Variants in PPM1A observed in about 807,000 individuals in gnomAD.
PPM1A encodes the protein protein phosphatase, Mg2+/Mn2+ dependent 1A.
A neutral mutation model predicts 35.0 loss-of-function variants in PPM1A; 7 were observed. That is an observed-to-expected ratio of 0.20 (90% confidence interval 0.11 to 0.38). PPM1A has a LOEUF of 0.38. PPM1A is among the 10% of genes least tolerant of loss of function. The pLI, the probability that PPM1A is intolerant of heterozygous loss-of-function variation, is 1.00. For synonymous variants in PPM1A, 153 were observed against 167.3 expected (o/e 0.91, Z 0.66); for missense variants, 239 against 467.8 (o/e 0.51, Z 4.51).
chr14:60,269,455 C>T (rs921110957), intron 1 of PPM1A, among the ~76,000 whole-genome samples: 1 of 152,286 alleles, frequency 6.6e-6, no homozygotes. Flanking sequence ...TTATCCTCAA[C>T]GTTTATAGGC....
At chr14:60,285,340 T>C (rs1026959953) in intron 2 of PPM1A, among the ~76,000 whole-genome samples, 3 of 152,244 alleles carry the variant, frequency 2.0e-5, no homozygotes, top group African/African-American at 4.8e-5. Context: ...TAGTATTGTT[T>C]TATAGAATTA....
At chr14:60,248,418 T>C (rs762047402), upstream of PPM1A, among the ~76,000 whole-genome samples, 2 of 152,346 alleles carry the variant, frequency 1.3e-5, no homozygotes, top group South Asian at 2.1e-4. Flanking sequence ...CCCTGAACTA[T>C]AGAGGGAAAA....
chr14:60,290,029 T>A (rs1043795036), intron 4 of PPM1A, 115 bp downstream of exon 4: 1 of 677,938 alleles, frequency 1.5e-6, no homozygotes, highest in Non-Finnish European at 2.4e-6. Context: ...ATCTGTGTTT[T>A]AACCTGTGAT....
chr14:60,267,364 T>C (rs1884512873), intron 1 of PPM1A: 1 of 152,110 alleles, frequency 6.6e-6, no homozygotes, highest in Non-Finnish European at 1.5e-5. Context: ...TATGGATTGT[T>C]TTTAACTTTT....
At chr14:60,251,584 C>G (rs180748687) in intron 1 of PPM1A, among the ~76,000 whole-genome samples, 11 of 152,198 alleles carry the variant, frequency 7.2e-5, no homozygotes, top group Admixed American at 2.0e-4. Context: ...TATATTATCA[C>G]ATGTACTGTC....
At chr14:60,251,912 C>T (rs1882473794) in intron 1 of PPM1A, among the ~76,000 whole-genome samples, 1 of 151,164 alleles carries the variant, frequency 6.6e-6, no homozygotes, top group African/African-American at 2.5e-5. Context: ...AAGCACAGGA[C>T]CCTTGGTAGT....
chr14:60,246,892 C>G (rs145309933), upstream of PPM1A, among the ~76,000 whole-genome samples: 3 of 152,180 alleles, frequency 2.0e-5, no homozygotes, highest in Admixed American at 6.5e-5. Context: ...TTTTCTATTT[C>G]TCTCCCTCTT....
intron 1 of PPM1A, among the ~76,000 whole-genome samples, chr14:60,278,208 A>G (rs1189898176): frequency 3.3e-5 from 5 of 152,228 alleles, no homozygotes; most frequent in African/African-American, 1.2e-4. Flanking sequence ...GCTATAGGAA[A>G]GAATAAGGAG....
At chr14:60,275,115 T>G (rs1286811877) in intron 1 of PPM1A, among the ~76,000 whole-genome samples, 1 of 151,394 alleles carries the variant, frequency 6.6e-6, no homozygotes, top group Admixed American at 6.6e-5. Context: ...TTTTAGAGAT[T>G]TAGAAAAGAA....
At chr14:60,267,893 A>G (rs1249850058) in intron 1 of PPM1A, among the ~76,000 whole-genome samples, 1 of 152,086 alleles carries the variant, frequency 6.6e-6, no homozygotes, top group Non-Finnish European at 1.5e-5. Flanking sequence ...GTTTTGCTGA[A>G]CCATTTAAGA....
Position 60,289,291 on chromosome 14 carries a change from TTAAG to T in PPM1A, c.953-512_953-509del, listed in dbSNP as rs769493244. Reference sequence around the variant, plus strand: ...CAAGTACATAATCTGTGCATGCTATTTAAGTATCATTTTGCAAATATAAATATAT... The same window carrying T: ...CAAGTACATAATCTGTGCATGCTATTTATCATTTTGCAAATATAAATATAT... On this transcript the variant is annotated intron_variant, in intron 3 of 5. Transcript: ENST00000395076. This position sits in a 1 kb window ranked among gnomAD's most constrained non-coding sequence, Gnocchi z 4.1. 1.6e-4 allele frequency among the ~76,000 whole-genome samples: 25 copies of T among 152,118 alleles called. No homozygotes were observed. Among genetic ancestry groups the T allele is most frequent in the Non-Finnish European group, 3.5e-4 (24 of 67,992 alleles).
intron 1 of PPM1A, chr14:60,256,713 A>G (rs571210610): frequency 6.6e-6 from 1 of 152,258 alleles, no homozygotes; most frequent in Non-Finnish European, 1.5e-5. Context: ...TGAGCTAGAT[A>G]CTGTTACTAC....
chr14:60,273,372 G>GTA lies in PPM1A; in HGVS notation c.-20-9310_-20-9309dup, dbSNP rs201868559. Among the ~76,000 whole-genome samples the GTA allele has an allele frequency of 5.4e-3, 827 of 152,088 alleles. 16 individuals carry two copies. The highest frequency in any genetic ancestry group is 0.019 in the African/African-American group (778 of 41,492). On this transcript the variant is annotated intron_variant, in intron 1 of 5. Transcript: ENST00000395076. This position sits in a 1 kb window ranked among gnomAD's most constrained non-coding sequence, Gnocchi z 4.3. ...TTGTTTATATATTTGGAGGAAGGAA[G>GTA]TATGATGAGTACTAGGTACTGTAAG...
chr14:60,255,253 G>A, intron 1 of PPM1A, among the ~76,000 whole-genome samples: 1 of 141,410 alleles, frequency 7.1e-6, no homozygotes. Context: ...CTCACTGCAA[G>A]CTCCGCCTCC....
chr14:60,297,703 G>A lies in PPM1A; in HGVS notation c.*5221G>A, dbSNP rs1035997092. 3 of 151,592 alleles carry A rather than the reference G, an allele frequency of 2.0e-5. No individual in the cohort carries two copies. The highest frequency in any genetic ancestry group is 6.6e-5 in the Admixed American group (1 of 15,198). The allele number at this position is 151,592 out of a possible 1,614,324, so 9.4% of individuals were successfully genotyped here. A position where few individuals can be genotyped will look rare whatever the true frequency, so the allele number is the denominator to read the frequency against. On this transcript the variant is annotated 3_prime_UTR_variant, in exon 6 of 6. Coordinates refer to ENST00000395076, the MANE Select transcript of PPM1A (RefSeq NM_021003.5). ...TTGATGTAAGAGATCGGGTAGCTGC[G>A]GAACAAAATTAGTTATATCCTAATT...
chr14:60,289,424 TGTATTATATA>T lies in PPM1A; in HGVS notation c.953-380_953-371del, dbSNP rs1298219359. Among the ~76,000 whole-genome samples the T allele has an allele frequency of 2.6e-5, 4 of 152,154 alleles. No homozygotes were observed. Among genetic ancestry groups the T allele is most frequent in the Non-Finnish European group, 5.9e-5 (4 of 68,008 alleles). On this transcript the variant is annotated intron_variant, in intron 3 of 5. Transcript: ENST00000395076. The surrounding 1 kb of genome is among the most constrained non-coding windows in gnomAD (Gnocchi z 4.1). ...GTTTATTTTTTAAAATTCCACGCAGTGTATTATATAGGGCAAAGTTCAGGAAACATGTTTC... is the reference window on the plus strand; with the variant it reads ...GTTTATTTTTTAAAATTCCACGCAGTGGGCAAAGTTCAGGAAACATGTTTC...
upstream of PPM1A, chr14:60,245,762 G>A (rs374098597): frequency 4.4e-5 from 54 of 1,229,910 alleles, no homozygotes; most frequent in East Asian, 1.2e-3. This position sits in a 1 kb window ranked among gnomAD's most constrained non-coding sequence, Gnocchi z 4.2. Flanking sequence ...AATGTATTAT[G>A]ATGTAGGGGA....
At chr14:60,258,722 A>G (rs1883415293) in intron 1 of PPM1A, among the ~76,000 whole-genome samples, 1 of 152,134 alleles carries the variant, frequency 6.6e-6, no homozygotes, top group African/African-American at 2.4e-5. Context: ...CTCTGAAAAT[A>G]CTTTTTCCTG....
intron 1 of PPM1A, among the ~76,000 whole-genome samples, chr14:60,260,574 A>G (rs1394388512): frequency 1.3e-5 from 2 of 152,174 alleles, no homozygotes; most frequent in East Asian, 1.9e-4. Context: ...TAAAGTTTAC[A>G]GTTCAGTAGT....
Sources: allele counts gnomAD v4.1 joint callset (sites outside exome capture counted in the v4.1 genomes callset), GRCh38; gene constraint gnomAD v4.1.1; non-coding constraint Gnocchi (gnomAD v3.1); transcripts MANE v1.5; gene names NCBI Gene and HGNC (gene_info 2026-07-23, HGNC 2026-07-21).